Variants in MAD2L1 observed in about 807,000 individuals in gnomAD.
MAD2L1 encodes mitotic arrest deficient 2 like 1.
MAD2L1 carries 10 observed loss-of-function variants against 25.9 expected under a neutral mutation model. The observed-to-expected ratio is 0.39, with a 90% CI of 0.24 to 0.66. The LOEUF is 0.66. MAD2L1 is among the 30% of genes least tolerant of loss of function. MAD2L1 has a pLI of 0.49. For missense variants in MAD2L1, 180 were observed against 246.4 expected (o/e 0.73, Z 1.80); for synonymous variants, 81 against 91.8 (o/e 0.88, Z 0.67).
chr4:120,066,138 T>C (rs1382402433), intron 1 of MAD2L1, among the ~76,000 whole-genome samples: 2 of 152,086 alleles, frequency 1.3e-5, no homozygotes, highest in East Asian at 3.9e-4. Context: ...CAAAATAGGC[T>C]GTTGCATTCG....
chr4:120,063,861 T>C (rs1578460766), intron 2 of MAD2L1, among the ~76,000 whole-genome samples: 1 of 152,032 alleles, frequency 6.6e-6, no homozygotes, highest in African/African-American at 2.4e-5. Context: ...AATATAAAAA[T>C]TAGCCAGGCA....
At chr4:120,061,654 A>C (rs1325379627) in intron 3 of MAD2L1, among the ~76,000 whole-genome samples, 1 of 152,132 alleles carries the variant, frequency 6.6e-6, no homozygotes, top group African/African-American at 2.4e-5. Flanking sequence ...TATAGTTAAA[A>C]ATATCTTAGA....
Position 120,066,677 on chromosome 4 carries a change from C to G in MAD2L1, c.58G>C (p.Val20Leu). The part of the protein sequence containing the change: ...GITLRGSAEI[V>L]AEFFSFGINS... Reference sequence around the variant, plus strand: ...GAGAACTTACAGAAGAACTCGGCCACGATTTCGGCGCTCCCGCGCAGGGTG... The same window carrying G: ...GAGAACTTACAGAAGAACTCGGCCAGGATTTCGGCGCTCCCGCGCAGGGTG... The change falls in exon 1 of 5, where the codon GTG becomes CTG. Residue 20 changes from valine (V) to leucine (L), a missense_variant. Coordinates refer to ENST00000296509, the MANE Select transcript of MAD2L1 (RefSeq NM_002358.4). 1.9e-6 allele frequency: 3 copies of G among 1,603,992 alleles called. No homozygotes were observed. The highest frequency in any genetic ancestry group is 2.6e-6 in the Non-Finnish European group (3 of 1,173,164).
At chr4:120,060,561 G>T (rs758980046) in intron 4 of MAD2L1, among the ~76,000 whole-genome samples, 1 of 152,050 alleles carries the variant, frequency 6.6e-6, no homozygotes, top group Non-Finnish European at 1.5e-5. Context: ...CCAGCATATT[G>T]TTATAATTGT....
In MAD2L1 at chr4:120,060,577, TTTA is replaced by T. The variant is rs1489716639; in HGVS notation, c.446-290_446-288del. 1.3e-4 allele frequency among the ~76,000 whole-genome samples: 20 copies of T among 152,304 alleles called. No homozygotes were observed. In the East Asian group the frequency reaches 2.3e-3, roughly 18 times the overall value. On this transcript the variant is annotated intron_variant, in intron 4 of 4. Transcript: ENST00000296509. ...CAGCATATTGTTATAATTGTTCCAG[TTTA>T]TTATTAACTCTTACTATGCTTAATT...
At chr4:120,061,748 G>A (rs1221091650) in intron 3 of MAD2L1, among the ~76,000 whole-genome samples, 1 of 151,864 alleles carries the variant, frequency 6.6e-6, no homozygotes, top group Non-Finnish European at 1.5e-5. Context: ...TACTGATTTA[G>A]ACTAAAGGCA....
At chr4:120,066,602 G>C in intron 1 of MAD2L1, 60 bp downstream of exon 1, 1 of 1,458,656 alleles carries the variant, frequency 6.9e-7, no homozygotes, top group Non-Finnish European at 9.5e-7. Context: ...CCGAGCTGTG[G>C]GCCTACTGAG....
chr4:120,065,697 T>G lies in MAD2L1; in HGVS notation c.195A>C (p.Leu65=), dbSNP rs1406896510. 1.9e-6 allele frequency: 3 copies of G among 1,613,536 alleles called. No individual in the cohort carries two copies. The highest frequency in any genetic ancestry group is 2.7e-5 in the African/African-American group (2 of 74,890). ...CTTTCAGTTGTTCCACCACATTATT[T>G]AGGTATTTTATGAGCTCAAGATCAG... ...VTTDLELIKY[L]NNVVEQLKDW... is the part of the protein sequence containing the mutation. Residue 65 remains leucine, a synonymous_variant, in exon 2 of 5, where the codon CTA becomes CTC. Transcript: ENST00000296509.
Position 120,059,804 on chromosome 4 carries a change from G to C in MAD2L1, c.*314C>G. 5.4e-6 allele frequency: 1 copy of C among 186,578 alleles called. No individual in the cohort carries two copies. Among genetic ancestry groups the C allele is most frequent in the Non-Finnish European group, 1.1e-5 (1 of 90,618 alleles). The allele number at this position is 186,578 out of a possible 1,614,324, so 11.6% of individuals were successfully genotyped here. A position where few individuals can be genotyped will look rare whatever the true frequency, so the allele number is the denominator to read the frequency against. On this transcript the variant is annotated 3_prime_UTR_variant, in exon 5 of 5. Transcript: ENST00000296509. ...TGACCAAAACATCTGATTTAGGAAA[G>C]CATCTAGCTTTATAGCACAAGTTTT...
rs1560769312 is a variant in MAD2L1, at chr4:120,058,628, T to TGGGCGACAGAATAAGACTCCATCTTG, written c.*1489_*1490insCAAGATGGAGTCTTATTCTGTCGCCC. On this transcript the variant is annotated 3_prime_UTR_variant, in exon 5 of 5. Coordinates refer to ENST00000296509, the MANE Select transcript of MAD2L1 (RefSeq NM_002358.4). ...TGGGCGACAGAATAAGACTCCATCT[T>TGGGCGACAGAATAAGACTCCATCTTG]GGGGGGGAAAAGTGATTTCGCAGAA... is the stretch of plus-strand genomic sequence containing the variant. 2 of 152,060 alleles carry TGGGCGACAGAATAAGACTCCATCTTG rather than the reference T, an allele frequency of 1.3e-5. No homozygotes were observed. Among genetic ancestry groups the TGGGCGACAGAATAAGACTCCATCTTG allele is most frequent in the Non-Finnish European group, 2.9e-5 (2 of 68,014 alleles). 9.4% of individuals were successfully genotyped at this position (152,060 alleles called of 1,614,324 possible).
Position 120,056,492 on chromosome 4 carries a change from G to C in MAD2L1, c.*3626C>G, listed in dbSNP as rs1287759315. The C allele has an allele frequency of 1.3e-5, 2 of 152,106 alleles. No homozygotes were observed. The highest frequency in any genetic ancestry group is 4.8e-5 in the African/African-American group (2 of 41,408). 9.4% of individuals were successfully genotyped at this position (152,106 alleles called of 1,614,324 possible). On this transcript the variant is annotated 3_prime_UTR_variant, in exon 5 of 5. Coordinates refer to ENST00000296509, the MANE Select transcript of MAD2L1 (RefSeq NM_002358.4). ...CAAAGTAGCATTACATAGCTATTCT[G>C]ATCTTTCATGTAAATTTTAGATAAA...
intron 2 of MAD2L1, among the ~76,000 whole-genome samples, chr4:120,064,341 G>A (rs766744542): frequency 7.9e-5 from 12 of 152,122 alleles, no homozygotes; most frequent in East Asian, 3.9e-4. Context: ...TGAGAACAGA[G>A]GTCTATTCCC....
At chr4:120,060,349 C>A in intron 4 of MAD2L1, 59 bp from the exon 5 acceptor site, 1 of 1,365,708 alleles carries the variant, frequency 7.3e-7, no homozygotes, top group South Asian at 1.5e-5. Context: ...ACTAATCTTG[C>A]TGCCTCTCTT....
intron 2 of MAD2L1, 52 bp downstream of exon 2, chr4:120,065,620 T>G: frequency 6.3e-7 from 1 of 1,584,570 alleles, no homozygotes; most frequent in Non-Finnish European, 8.6e-7. Flanking sequence ...AATGACTGCT[T>G]AAGATGCTAG....
Position 120,057,731 on chromosome 4 carries a change from G to A in MAD2L1, c.*2387C>T, listed in dbSNP as rs1726134139. The A allele has an allele frequency of 6.6e-6, 1 of 152,230 alleles. No homozygotes were observed. Among genetic ancestry groups the A allele is most frequent in the Non-Finnish European group, 1.5e-5 (1 of 68,084 alleles). The allele number at this position is 152,230 out of a possible 1,614,324, so 9.4% of individuals were successfully genotyped here. A position where few individuals can be genotyped will look rare whatever the true frequency, so the allele number is the denominator to read the frequency against. On this transcript the variant is annotated 3_prime_UTR_variant, in exon 5 of 5. Transcript: ENST00000296509. ...GTTGATTTAAACATCATCCTCCTGA[G>A]GTAAGCCTCAAGGTCTAGAAAGAGG... is the stretch of plus-strand genomic sequence containing the variant.
chr4:120,060,312 T>A (rs2110507963), intron 4 of MAD2L1, 22 bp from the exon 5 acceptor site: 1 of 1,565,888 alleles, frequency 6.4e-7, no homozygotes, highest in Middle Eastern at 1.8e-4. Context: ...ATAAGATCAT[T>A]GAAGTATATT....
intron 1 of MAD2L1, 152 bp downstream of exon 1, chr4:120,066,510 G>T: frequency 1.6e-6 from 1 of 641,960 alleles, no homozygotes; most frequent in Non-Finnish European, 2.7e-6. Flanking sequence ...CAGCACGCAG[G>T]CCTGCAGCTC....
chr4:120,060,397 G>T, intron 4 of MAD2L1, 107 bp from the exon 5 acceptor site: 1 of 817,298 alleles, frequency 1.2e-6, no homozygotes, highest in Non-Finnish European at 1.8e-6. Flanking sequence ...AGGTCATTTG[G>T]CTTGGTCTCC....
In MAD2L1 at chr4:120,060,855, G is replaced by C. The variant is rs746815592; in HGVS notation, c.445+19C>G. ...TTTGCCAATCAATTTAATTCAACAAGAAGTTGTATAATACTTACAAGAAAC... is the reference window on the plus strand; with the variant it reads ...TTTGCCAATCAATTTAATTCAACAACAAGTTGTATAATACTTACAAGAAAC... On this transcript the variant is annotated intron_variant, in intron 4 of 4. Transcript: ENST00000296509. The C allele has an allele frequency of 1.1e-5, 16 of 1,486,140 alleles. No individual in the cohort carries two copies. The highest frequency in any genetic ancestry group is 1.4e-5 in the African/African-American group (1 of 72,192). The allele number at this position is 1,486,140 out of a possible 1,614,324, so 92.1% of individuals were successfully genotyped here. A position where few individuals can be genotyped will look rare whatever the true frequency, so the allele number is the denominator to read the frequency against.
Sources: gnomAD v4.1 joint callset for allele counts (sites outside exome capture counted in the v4.1 genomes callset) on GRCh38, gnomAD v4.1.1 for gene constraint, MANE v1.5 for transcripts, NCBI Gene and HGNC (gene_info 2026-07-23, HGNC 2026-07-21) for gene names.